Variants in UGP2 observed in about 807,000 individuals in gnomAD.
UGP2 encodes the protein UTP--glucose-1-phosphate uridylyltransferase.
Under a neutral mutation model 49.0 loss-of-function variants are expected in UGP2, and 40 were observed. That is an observed-to-expected ratio of 0.82 (90% CI 0.63 to 1.06). The LOEUF (loss-of-function observed/expected upper bound fraction) is 1.06. Among genes scored for constraint, UGP2 ranks in the 50% least tolerant of loss-of-function variants. The pLI is 0.00. For synonymous variants in UGP2, 225 were observed against 213.0 expected, an observed-to-expected ratio of 1.06 and a Z score of -0.49; for missense variants, 460 against 603.5, an observed-to-expected ratio of 0.76 and a Z score of 2.49.
At chr2:63,890,219 A>G (rs1215907100) in intron 9 of UGP2, 34 bp downstream of exon 9, 2 of 1,488,572 alleles carry the variant, frequency 1.3e-6, no homozygotes, top group South Asian at 1.2e-5. Flanking sequence ...TATTTCTTAC[A>G]GCTTACAATA....
intron 3 of UGP2, among the ~76,000 whole-genome samples, chr2:63,866,770 G>A (rs189573644): frequency 6.6e-6 from 1 of 152,258 alleles, no homozygotes; most frequent in African/African-American, 2.4e-5. Context: ...TTGTCAATTG[G>A]GGGATCATTT....
At position 63,882,542 on chromosome 2, in the gene UGP2, T is replaced by C; in HGVS notation, c.332T>C (p.Val111Ala). 6.2e-7 allele frequency: 1 copy of C among 1,613,390 alleles called. No homozygotes were observed. Among genetic ancestry groups the C allele is most frequent in the Non-Finnish European group, 8.5e-7 (1 of 1,179,460 alleles). The change falls in exon 4 of 10, where the codon GTG (valine) becomes GCG (alanine). Residue 111 changes from valine (V) to alanine (A), a missense_variant. Val to Ala is a moderately conservative substitution (Grantham distance 64). Transcript: ENST00000337130. ...TCCGTGTTGAACAAACTAGTGGTGG[T>C]GAAACTCAATGGTGGTTTGGGAACC... ...ISSVLNKLVV[V>A]KLNGGLGTSM...
At chr2:63,861,611 C>T (rs1374353999) in intron 3 of UGP2, among the ~76,000 whole-genome samples, 1 of 149,744 alleles carries the variant, frequency 6.7e-6, no homozygotes, top group African/African-American at 2.5e-5. Context: ...TCACTTGAGC[C>T]CAGGAGTTTG....
chr2:63,851,433 AG>A (rs1669035464), intron 1 of UGP2, among the ~76,000 whole-genome samples: 1 of 152,212 alleles, frequency 6.6e-6, no homozygotes, highest in Non-Finnish European at 1.5e-5. Context: ...TGTGGTAGAA[AG>A]AAAGGCCTCT....
intron 3 of UGP2, among the ~76,000 whole-genome samples, chr2:63,859,823 T>G (rs1275880497): frequency 2.6e-5 from 4 of 152,256 alleles, no homozygotes; most frequent in South Asian, 2.1e-4. Context: ...CAATCCCATA[T>G]GCCCTTAATC....
chr2:63,890,671 C>G (rs916796627), intron 9 of UGP2, among the ~76,000 whole-genome samples: 1 of 152,102 alleles, frequency 6.6e-6, no homozygotes, highest in African/African-American at 2.4e-5. Flanking sequence ...AAAACAAATA[C>G]ATATATTGAA....
rs556554973 is a variant in UGP2, at chr2:63,861,930, A to G, written c.255+3994A>G. On this transcript the variant is annotated intron_variant, in intron 3 of 9. Coordinates refer to ENST00000337130, the MANE Select transcript of UGP2 (RefSeq NM_006759.4). ...CAAAAAACATTAAAAGCTATTGTTT[A>G]TTTATAAGGAAGTCTGAGGAAGTTA... 1.2e-4 allele frequency among the ~76,000 whole-genome samples: 19 copies of G among 152,176 alleles called. No individual in the cohort carries two copies. In the South Asian group the frequency reaches 3.5e-3, roughly 28 times the overall value.
At chr2:63,842,424 C>T (rs749282100) in intron 1 of UGP2, 3 of 1,567,390 alleles carry the variant, frequency 1.9e-6, no homozygotes, top group African/African-American at 1.4e-5. Flanking sequence ...TTAGTTTTGC[C>T]TCCCTGAAAT....
chr2:63,889,039 A>G (rs1159603860), intron 8 of UGP2: 1 of 152,166 alleles, frequency 6.6e-6, no homozygotes, highest in Non-Finnish European at 1.5e-5. Context: ...ATTAGAAACT[A>G]TGAATGCATG....
In UGP2 at chr2:63,891,109, C is replaced by T. The variant is rs1292789796; in HGVS notation, c.1420-11C>T. The T allele has an allele frequency of 6.2e-7, 1 of 1,607,682 alleles. No individual in the cohort carries two copies. Among genetic ancestry groups the T allele is most frequent in the South Asian group, 1.1e-5 (1 of 90,268 alleles). ...TTGCAAGTACACTCTTTTGTTTTCC[C>T]TGTCACTTAGGGAACGGTTATCATC... is the stretch of plus-strand genomic sequence containing the variant. On this transcript the variant is annotated splice_polypyrimidine_tract_variant and intron_variant, in intron 9 of 9. Coordinates refer to ENST00000337130, the MANE Select transcript of UGP2 (RefSeq NM_006759.4).
chr2:63,843,392 A>G (rs1671716406), intron 1 of UGP2, among the ~76,000 whole-genome samples: 1 of 152,250 alleles, frequency 6.6e-6, no homozygotes. Context: ...TGTCTTATTC[A>G]AGAATAGAAA....
chr2:63,854,738 C>T (rs1168484589), intron 1 of UGP2: 1 of 152,168 alleles, frequency 6.6e-6, no homozygotes, highest in African/African-American at 2.4e-5. Context: ...TTGTAATGTT[C>T]TTTTGTTTAA....
At chr2:63,853,011 G>C (rs889157674) in intron 1 of UGP2, among the ~76,000 whole-genome samples, 3 of 152,240 alleles carry the variant, frequency 2.0e-5, no homozygotes, top group African/African-American at 7.2e-5. Flanking sequence ...CAGGAAAAAA[G>C]TTTAGGATGA....
chr2:63,858,822 T>A (rs141167708), intron 3 of UGP2, among the ~76,000 whole-genome samples: 1,615 of 152,024 alleles, frequency 0.011, 12 homozygotes, highest in Non-Finnish European at 0.016. Context: ...GTCAGATTCT[T>A]AAAAATGTTT....
At chr2:63,873,169 T>G (rs1670674687) in intron 3 of UGP2, among the ~76,000 whole-genome samples, 1 of 152,204 alleles carries the variant, frequency 6.6e-6, no homozygotes, top group South Asian at 2.1e-4. Flanking sequence ...ACAAAAGTTG[T>G]GGAAGCTTGC....
chr2:63,881,139 C>T (rs898944789), intron 3 of UGP2, among the ~76,000 whole-genome samples: 1 of 152,154 alleles, frequency 6.6e-6, no homozygotes, highest in Non-Finnish European at 1.5e-5. Flanking sequence ...TGGCAGTTAA[C>T]ATAGTATATT....
chr2:63,848,406 C>T (rs1163436841), intron 1 of UGP2, among the ~76,000 whole-genome samples: 1 of 152,170 alleles, frequency 6.6e-6, no homozygotes, highest in African/African-American at 2.4e-5. Flanking sequence ...CTCTGTTGCC[C>T]AGGCTGGAAT....
At chr2:63,882,760 CCTG>C in intron 4 of UGP2, 109 bp downstream of exon 4, 1 of 1,192,080 alleles carries the variant, frequency 8.4e-7, no homozygotes, top group South Asian at 2.4e-5. Context: ...AACCAAAGAG[CCTG>C]CTATCTTTAA....
In UGP2 at chr2:63,886,588, T is replaced by C. The variant is rs986567049; in HGVS notation, c.1071+50T>C. On this transcript the variant is annotated intron_variant, in intron 7 of 9. Coordinates refer to ENST00000337130, the MANE Select transcript of UGP2 (RefSeq NM_006759.4). ...AGCTTCCTGGTTCCTAAGGTCATAG[T>C]AGGCTACACACAGACCCCATCGCCC... 1.9e-6 allele frequency: 3 copies of C among 1,600,454 alleles called. No individual in the cohort carries two copies. The African/African-American group carries it at 4.0e-5, about 21-fold the overall frequency.
Sources: allele counts gnomAD v4.1 joint callset (sites outside exome capture counted in the v4.1 genomes callset), GRCh38; gene constraint gnomAD v4.1.1; transcripts MANE v1.5; gene names NCBI Gene and HGNC (gene_info 2026-07-23, HGNC 2026-07-21).